Variants in ADAMTSL1 observed in about 807,000 individuals in gnomAD.
ADAMTSL1 encodes ADAMTS-like protein 1.
A neutral mutation model predicts 201.8 loss-of-function variants in ADAMTSL1; 126 were observed. The observed-to-expected ratio is 0.62, with a 90% CI of 0.54 to 0.72. ADAMTSL1 has a LOEUF of 0.72. ADAMTSL1 is among the 30% of genes least tolerant of loss of function. The pLI is 0.00. For missense variants in ADAMTSL1, 2,679 were observed against 2,277.8 expected, an observed-to-expected ratio of 1.18 and a Z score of -3.59; for synonymous variants, 1,121 against 903.4, an observed-to-expected ratio of 1.24 and a Z score of -4.32.
chr9:18,080,919 A>G (rs56977703), intron 1 of ADAMTSL1, among the ~76,000 whole-genome samples: 19,451 of 152,258 alleles, frequency 0.13, 1,301 homozygotes, highest in South Asian at 0.17. Context: ...ATTATTTGTA[A>G]CCGTAATTCT....
intron 14 of ADAMTSL1, among the ~76,000 whole-genome samples, chr9:18,715,437 C>A (rs1361879757): frequency 6.6e-6 from 1 of 152,022 alleles, no homozygotes; most frequent in African/African-American, 2.4e-5. Flanking sequence ...TCTTATACAC[C>A]AACAACAGAC....
intron 1 of ADAMTSL1, among the ~76,000 whole-genome samples, chr9:18,025,617 G>A (rs979338851): frequency 6.6e-6 from 1 of 152,040 alleles, no homozygotes; most frequent in Non-Finnish European, 1.5e-5. Context: ...CTATGTGTCT[G>A]TTTTTGGACC....
chr9:18,608,929 A>AAAAT (rs1218914167), intron 4 of ADAMTSL1, among the ~76,000 whole-genome samples: 1 of 152,188 alleles, frequency 6.6e-6, no homozygotes, highest in African/African-American at 2.4e-5. Context: ...CTTCTCCATT[A>AAAAT]AAATAAATAA....
chr9:18,310,484 T>A (rs1321097687), intron 2 of ADAMTSL1, among the ~76,000 whole-genome samples: 3 of 144,610 alleles, frequency 2.1e-5, no homozygotes, highest in Admixed American at 7.0e-5. Flanking sequence ...ATATCCAGAA[T>A]CTATAAGGAA....
chr9:18,437,891 T>C (rs556949392), intron 2 of ADAMTSL1, among the ~76,000 whole-genome samples: 2 of 152,216 alleles, frequency 1.3e-5, no homozygotes, highest in South Asian at 2.1e-4. Context: ...GCATGACTTA[T>C]GCCCCCAGCT....
intron 1 of ADAMTSL1, among the ~76,000 whole-genome samples, chr9:17,949,165 G>A (rs200759448): frequency 3.3e-5 from 5 of 152,290 alleles, no homozygotes; most frequent in East Asian, 1.9e-4. Context: ...AAGCCTCCAC[G>A]TGTATGTTGT....
At chr9:18,654,185 C>T (rs776781) in intron 7 of ADAMTSL1, among the ~76,000 whole-genome samples, 14,364 of 152,238 alleles carry the variant, frequency 0.094, 1,406 homozygotes, top group African/African-American at 0.25. Flanking sequence ...GCTGAGATCA[C>T]GCCACTTCGC....
chr9:18,297,554 C>G (rs747530062), intron 2 of ADAMTSL1, among the ~76,000 whole-genome samples: 14 of 152,048 alleles, frequency 9.2e-5, no homozygotes, highest in Non-Finnish European at 1.8e-4. Context: ...GGGTCAAATT[C>G]AAAAGGAATA....
chr9:18,719,447 C>A (rs1013851373), intron 14 of ADAMTSL1, among the ~76,000 whole-genome samples: 5 of 152,082 alleles, frequency 3.3e-5, no homozygotes, highest in Admixed American at 2.6e-4. Flanking sequence ...TCCCTGCAAC[C>A]TTCACCTCCC....
At chr9:18,131,082 T>C (rs1825932015) in intron 1 of ADAMTSL1, among the ~76,000 whole-genome samples, 1 of 152,176 alleles carries the variant, frequency 6.6e-6, no homozygotes. Flanking sequence ...GCTCAATCTC[T>C]GCCATCCTCG....
chr9:18,203,161 A>G (rs1829517713), intron 2 of ADAMTSL1, among the ~76,000 whole-genome samples: 1 of 152,154 alleles, frequency 6.6e-6, no homozygotes, highest in Non-Finnish European at 1.5e-5. Context: ...CAAAGAGGAC[A>G]GTAAGCTCTG....
rs556521471 is a variant in ADAMTSL1 at position 17,967,499 on chromosome 9, C to G, written c.87+60577C>G. Reference sequence around the variant, plus strand: ...AGCTACTGTGAGTCAAGCACTTTTCCTAGCACTTTACACACAACTCTCAAA... The same window carrying G: ...AGCTACTGTGAGTCAAGCACTTTTCGTAGCACTTTACACACAACTCTCAAA... On this transcript the variant is annotated intron_variant, in intron 1 of 29. Transcript: ENST00000680146. 7.9e-5 allele frequency among the ~76,000 whole-genome samples: 12 copies of G among 152,174 alleles called. No homozygotes were observed. The South Asian group carries it at 2.1e-3, about 26-fold the overall frequency.
intron 15 of ADAMTSL1, chr9:18,723,200 T>C: frequency 1.4e-6 from 1 of 691,840 alleles, no homozygotes; most frequent in East Asian, 2.7e-5. Context: ...CATGACTTGC[T>C]CACATGTCCC....
intron 23 of ADAMTSL1, among the ~76,000 whole-genome samples, chr9:18,869,901 A>G (rs1289114164): frequency 1.3e-5 from 2 of 151,914 alleles, no homozygotes. Context: ...TCTTTCTTTC[A>G]TGGCCTCCAA....
chr9:18,568,224 T>C (rs1233065471), intron 3 of ADAMTSL1, among the ~76,000 whole-genome samples: 1 of 152,060 alleles, frequency 6.6e-6, no homozygotes, highest in Non-Finnish European at 1.5e-5. Context: ...GAACAAAATA[T>C]AGTACATTGG....
At chr9:18,613,910 C>G (rs1020084582) in intron 4 of ADAMTSL1, among the ~76,000 whole-genome samples, 1 of 152,116 alleles carries the variant, frequency 6.6e-6, no homozygotes, top group Non-Finnish European at 1.5e-5. Flanking sequence ...AATATTATGA[C>G]TGAGGAGAAA....
chr9:17,979,418 G>A (rs189826250), intron 1 of ADAMTSL1, among the ~76,000 whole-genome samples: 1 of 151,674 alleles, frequency 6.6e-6, no homozygotes, highest in East Asian at 1.9e-4. Context: ...CTGTCTTTCA[G>A]TTCATAGATT....
intron 1 of ADAMTSL1, among the ~76,000 whole-genome samples, chr9:18,093,052 T>G (rs1241602328): frequency 6.6e-6 from 1 of 152,170 alleles, no homozygotes; most frequent in East Asian, 1.9e-4. Flanking sequence ...TATGGAGGCC[T>G]CATGGTAATA....
At chr9:18,206,218 G>C (rs1002870313) in intron 2 of ADAMTSL1, among the ~76,000 whole-genome samples, 1 of 152,076 alleles carries the variant, frequency 6.6e-6, no homozygotes, top group Non-Finnish European at 1.5e-5. Flanking sequence ...GTGTTCCTTA[G>C]AAGCTGATGT....
Sources: gnomAD v4.1 joint callset for allele counts (sites outside exome capture counted in the v4.1 genomes callset) on GRCh38, gnomAD v4.1.1 for gene constraint, MANE v1.5 for transcripts, NCBI Gene and HGNC (gene_info 2026-07-23, HGNC 2026-07-21) for gene names.